DOCK8: variants seen among roughly 807,000 people sequenced by gnomAD.
The protein encoded by DOCK8 is dedicator of cytokinesis 8.
A neutral mutation model predicts 245.6 loss-of-function variants in DOCK8; 141 were observed. That is an observed-to-expected ratio of 0.57 (90% confidence interval 0.50 to 0.66). The LOEUF is 0.66. Ranked by LOEUF, DOCK8 falls within the 30% of genes least tolerant of loss-of-function variation. The pLI, the probability that DOCK8 is intolerant of heterozygous loss-of-function variation, is 0.00. For synonymous variants in DOCK8, 1,168 were observed against 970.2 expected, an observed-to-expected ratio of 1.20 and a Z score of -3.79; for missense variants, 2,965 against 2,603.4, an observed-to-expected ratio of 1.14 and a Z score of -3.02.
intron 1 of DOCK8, among the ~76,000 whole-genome samples, chr9:268,772 T>C (rs1329881871): frequency 2.6e-5 from 4 of 152,238 alleles, no homozygotes; most frequent in Non-Finnish European, 5.9e-5. Context: ...CCTCCATGGC[T>C]TATGATCCTC....
At chr9:325,222 G>C (rs1229029623) in intron 7 of DOCK8, among the ~76,000 whole-genome samples, 1 of 152,158 alleles carries the variant, frequency 6.6e-6, no homozygotes, top group East Asian at 1.9e-4. Context: ...ATTGGTTGGT[G>C]GGCAATTAGG....
chr9:400,652 ACCT>A (rs1564014810), intron 26 of DOCK8, among the ~76,000 whole-genome samples: 7 of 101,084 alleles, frequency 6.9e-5, no homozygotes, highest in East Asian at 5.9e-4. Flanking sequence ...CATCACCACC[ACCT>A]CCACCACCAC....
At chr9:315,218 G>A (rs1269195578) in intron 6 of DOCK8, among the ~76,000 whole-genome samples, 1 of 152,136 alleles carries the variant, frequency 6.6e-6, no homozygotes, top group East Asian at 1.9e-4. Flanking sequence ...CTCTCATACT[G>A]TCTCTTTCTC....
chr9:368,067 G>A lies in DOCK8; in HGVS notation c.1729G>A (p.Ala577Thr), dbSNP rs759393585. The A allele has an allele frequency of 1.2e-6, 2 of 1,614,100 alleles. No individual in the cohort carries two copies. Among genetic ancestry groups the A allele is most frequent in the South Asian group, 1.1e-5 (1 of 91,080 alleles). Residue 577 changes from alanine (A) to threonine (T), a missense_variant, in exon 15 of 48, where the codon GCA (alanine) becomes ACA (threonine). Around this residue, in one of 3 missense-constraint regions of DOCK8, gnomAD observed 2,825 missense variants for 2,453.5 expected, o/e 1.15. Coordinates refer to ENST00000432829, the MANE Select transcript of DOCK8 (RefSeq NM_203447.4). The stretch of plus-strand genomic sequence containing the variant: ...GAGGCTGAACTTTGTAAACAAACTA[G>A]CATCAGCCCGGAACATTACAATAAA... ...PQRLNFVNKL[A>T]SARNITIKIQ...
chr9:242,157 A>C (rs974053055), intron 1 of DOCK8, among the ~76,000 whole-genome samples: 2 of 152,166 alleles, frequency 1.3e-5, no homozygotes, highest in African/African-American at 4.8e-5. Flanking sequence ...GTTATGTTAT[A>C]TGGTTCGTAA....
Position 340,257 on chromosome 9 carries a change from C to A in DOCK8, c.1615C>A (p.Arg539Ser). The part of the protein sequence containing the change: ...PVKPFPENRT[R>S]PHKEILEFPT... ...GAAACCCTTTCCTGAAAACCGGACA[C>A]GCCCGCACAAAGAGATTTTGGAATT... Residue 539 changes from arginine to serine, a missense_variant, in exon 14 of 48, where the codon CGC becomes AGC. Coordinates refer to ENST00000432829, the MANE Select transcript of DOCK8 (RefSeq NM_203447.4). 6.2e-7 allele frequency: 1 copy of A among 1,614,164 alleles called. No homozygotes were observed. Among genetic ancestry groups the A allele is most frequent in the Non-Finnish European group, 8.5e-7 (1 of 1,180,020 alleles).
intron 16 of DOCK8, 74 bp from the exon 17 acceptor site, chr9:371,354 C>A: frequency 1.3e-6 from 2 of 1,566,746 alleles, no homozygotes; most frequent in South Asian, 1.1e-5. Flanking sequence ...AGCAAAGGGG[C>A]TGTGGCGTTT....
intron 28 of DOCK8, among the ~76,000 whole-genome samples, chr9:410,575 T>A (rs2055676307): frequency 6.6e-6 from 1 of 152,236 alleles, no homozygotes; most frequent in South Asian, 2.1e-4. Flanking sequence ...AAATACAGCC[T>A]ATTTTTTATT....
intron 23 of DOCK8, among the ~76,000 whole-genome samples, chr9:388,444 T>A (rs956074408): frequency 4.6e-5 from 7 of 152,374 alleles, no homozygotes; most frequent in Admixed American, 3.3e-4. Flanking sequence ...CAAGCATGTA[T>A]ACAGAGATTT....
At chr9:459,398 T>G (rs551385930) in intron 46 of DOCK8, among the ~76,000 whole-genome samples, 2 of 152,300 alleles carry the variant, frequency 1.3e-5, no homozygotes, top group African/African-American at 2.4e-5. Flanking sequence ...AAAATCTAAG[T>G]TTTTTACTCC....
intron 34 of DOCK8, 79 bp downstream of exon 34, chr9:427,060 G>A (rs895262799): frequency 4.8e-6 from 6 of 1,238,040 alleles, no homozygotes; most frequent in Admixed American, 3.7e-5. Context: ...ATGCAAAATT[G>A]TGAAAGACAT....
intron 26 of DOCK8, 122 bp from the exon 27 acceptor site, chr9:404,796 C>G (rs1453374234): frequency 1.0e-6 from 1 of 999,350 alleles, no homozygotes; most frequent in Non-Finnish European, 1.5e-6. Flanking sequence ...TGCACTATCC[C>G]ATTAGTTTTT....
intron 33 of DOCK8, among the ~76,000 whole-genome samples, chr9:425,311 T>A (rs2056439658): frequency 6.6e-6 from 1 of 152,040 alleles, no homozygotes; most frequent in Non-Finnish European, 1.5e-5. Context: ...GGTAAGTGGA[T>A]CACGAGGTCA....
At chr9:432,457 C>T (rs1042770488) in intron 37 of DOCK8, 133 bp downstream of exon 37, 2 of 861,328 alleles carry the variant, frequency 2.3e-6, no homozygotes, top group African/African-American at 3.4e-5. Flanking sequence ...GTCCAATATG[C>T]ATGTGCTCTC....
intron 43 of DOCK8, among the ~76,000 whole-genome samples, chr9:446,037 C>T (rs1335202674): frequency 6.6e-6 from 1 of 152,230 alleles, no homozygotes; most frequent in Non-Finnish European, 1.5e-5. Context: ...CATTGTCATT[C>T]TGTAAAGGAA....
intron 23 of DOCK8, 66 bp from the exon 24 acceptor site, chr9:390,404 GA>G (rs952243689): frequency 2.4e-5 from 35 of 1,446,174 alleles, no homozygotes; most frequent in African/African-American, 1.7e-4. Context: ...TAAAAGAAAA[GA>G]AAAAAAGTGT....
intron 14 of DOCK8, among the ~76,000 whole-genome samples, chr9:363,854 G>C (rs1299654539): frequency 6.6e-6 from 1 of 152,132 alleles, no homozygotes; most frequent in Non-Finnish European, 1.5e-5. Flanking sequence ...ATGGGAATGG[G>C]TGGCGGTGCC....
chr9:431,847 C>T (rs754723868), intron 36 of DOCK8, among the ~76,000 whole-genome samples: 6 of 152,052 alleles, frequency 3.9e-5, no homozygotes, highest in Admixed American at 1.3e-4. Flanking sequence ...ACTCTTGGCA[C>T]AAAAGGATAT....
Position 336,662 on chromosome 9 carries a change from G to A in DOCK8, c.1366G>A (p.Gly456Arg), listed in dbSNP as rs1438930612. Residue 456 changes from glycine to arginine, a missense_variant, in exon 12 of 48, where the codon GGG becomes AGG. By Grantham distance (125) the Gly-to-Arg change is moderately radical (BLOSUM62 -2). Transcript: ENST00000432829. Reference protein sequence around the residue: ...SERALSLEENGVGSNFKTSTL... With the variant: ...SERALSLEENRVGSNFKTSTL... ...AAGAGCCCTCTCCTTGGAGGAAAAT[G>A]GGGTTGGATCCAACTTCAAAACCTC... 6.2e-7 allele frequency: 1 copy of A among 1,614,154 alleles called. No homozygotes were observed.
Sources: gnomAD v4.1 joint callset for allele counts (sites outside exome capture counted in the v4.1 genomes callset) on GRCh38, gnomAD v4.1.1 for gene constraint, gnomAD v4.1.1 regional missense constraint, MANE v1.5 for transcripts, NCBI Gene and HGNC (gene_info 2026-07-23, HGNC 2026-07-21) for gene names.